Variants in ANK3 observed in about 807,000 individuals in gnomAD.
The protein encoded by ANK3 is ankyrin-3.
ANK3 carries 57 observed loss-of-function variants against 370.9 expected under a neutral mutation model. That is an observed-to-expected ratio of 0.15 (90% CI 0.12 to 0.19). The LOEUF (loss-of-function observed/expected upper bound fraction) is 0.19. Among genes scored for constraint, ANK3 ranks in the 10% least tolerant of loss-of-function variants. The pLI, the probability that ANK3 is intolerant of heterozygous loss-of-function variation, is 1.00. For missense variants in ANK3, 4,439 were observed against 5,302.1 expected (o/e 0.84, Z 5.06); for synonymous variants, 1,929 against 1,946.3 (o/e 0.99, Z 0.23).
chr10:60,606,594 G>C (rs191945563), intron 2 of ANK3, among the ~76,000 whole-genome samples: 1 of 152,270 alleles, frequency 6.6e-6, no homozygotes, highest in East Asian at 1.9e-4. Flanking sequence ...CTCATCAACT[G>C]TAAGCCTTTG....
exon 1 of ANK3, chr10:60,733,383 C>T: frequency 8.2e-7 from 1 of 1,216,946 alleles, no homozygotes; most frequent in Non-Finnish European, 1.0e-6. Context: ...TCCCGCTCCT[C>T]GGGCCTCCAA....
chr10:60,195,386 TC>T (rs1301064825), intron 16 of ANK3, among the ~76,000 whole-genome samples: 2 of 101,848 alleles, frequency 2.0e-5, no homozygotes, highest in Non-Finnish European at 1.9e-5. Flanking sequence ...TCCGTCTCCC[TC>T]CAAAAAAAAA....
chr10:60,264,122 G>T, intron 5 of ANK3, 102 bp from the exon 6 acceptor site: 1 of 1,003,800 alleles, frequency 1.0e-6, no homozygotes. Context: ...ATCAATTTTT[G>T]TTTGGGATTA....
intron 1 of ANK3, among the ~76,000 whole-genome samples, chr10:60,295,182 G>A (rs2042240724): frequency 1.3e-5 from 2 of 152,262 alleles, no homozygotes; most frequent in Admixed American, 6.5e-5. Flanking sequence ...CTTTCTATTG[G>A]CAAGTCAATG....
chr10:60,381,388 G>GA (rs960673580), intron 1 of ANK3, among the ~76,000 whole-genome samples: 3 of 152,090 alleles, frequency 2.0e-5, no homozygotes, highest in Non-Finnish European at 4.4e-5. Flanking sequence ...TTAATGAATA[G>GA]AAAAATGTAT....
intron 2 of ANK3, among the ~76,000 whole-genome samples, chr10:60,600,595 C>G (rs1367118076): frequency 6.6e-6 from 1 of 152,018 alleles, no homozygotes; most frequent in Non-Finnish European, 1.5e-5. Flanking sequence ...AAATATGAAC[C>G]TTCTCATAGC....
rs760210964 is a variant in ANK3, at chr10:60,525,545, G to A, written c.96+89641C>T. On this transcript the variant is annotated intron_variant, in intron 2 of 43. Coordinates refer to the ANK3 transcript ENST00000373827. ...TACTTGCTGAGAGCCTACTATATGC[G>A]CTAAACTGCAGTGGTTACCAAGGAA... Among the ~76,000 whole-genome samples, 4 of 152,084 alleles carry A rather than the reference G, an allele frequency of 2.6e-5. No homozygotes were observed. The East Asian group carries it at 5.8e-4, about 22-fold the overall frequency.
chr10:60,123,511 G>A (rs1009353903), intron 25 of ANK3, among the ~76,000 whole-genome samples: 95 of 152,128 alleles, frequency 6.2e-4, no homozygotes, highest in Non-Finnish European at 2.4e-4. Context: ...GCAAGAGAGA[G>A]AGAAAAAAAG....
intron 7 of ANK3, among the ~76,000 whole-genome samples, chr10:60,253,666 A>T (rs10821708): frequency 0.23 from 34,591 of 152,058 alleles, 3,987 homozygotes; most frequent in Admixed American, 0.27. Flanking sequence ...GGCAACAAGA[A>T]TATGTTTAAT....
chr10:60,384,679 A>G (rs1432485506), intron 1 of ANK3, among the ~76,000 whole-genome samples: 1 of 152,214 alleles, frequency 6.6e-6, no homozygotes, highest in Admixed American at 6.5e-5. Flanking sequence ...TCAAAGGGTT[A>G]TTAGGAAGAC....
chr10:60,257,357 C>A (rs1245565111), intron 7 of ANK3, among the ~76,000 whole-genome samples: 1 of 152,148 alleles, frequency 6.6e-6, no homozygotes, highest in African/African-American at 2.4e-5. Flanking sequence ...TCCTACACAA[C>A]TAGATCATCA....
intron 2 of ANK3, among the ~76,000 whole-genome samples, chr10:60,508,839 G>A (rs921214660): frequency 1.3e-5 from 2 of 152,146 alleles, no homozygotes; most frequent in Non-Finnish European, 1.5e-5. Context: ...AAGTTAATTA[G>A]ATGCAGAAGT....
chr10:60,160,917 GC>G (rs1010439936), intron 23 of ANK3, among the ~76,000 whole-genome samples: 22 of 152,068 alleles, frequency 1.4e-4, no homozygotes, highest in African/African-American at 5.3e-4. Context: ...TAAACAACAG[GC>G]CCACAGCTAG....
intron 2 of ANK3, among the ~76,000 whole-genome samples, chr10:60,417,850 G>T (rs749387092): frequency 1.8e-4 from 28 of 152,162 alleles, no homozygotes; most frequent in Admixed American, 4.6e-4. Flanking sequence ...AGGCATTCAT[G>T]TAGACACACT....
intron 23 of ANK3, among the ~76,000 whole-genome samples, chr10:60,146,966 A>T (rs1258684739): frequency 6.6e-6 from 1 of 152,240 alleles, no homozygotes; most frequent in Non-Finnish European, 1.5e-5. Context: ...TTGGATTCTA[A>T]AAGTCTAATT....
intron 2 of ANK3, among the ~76,000 whole-genome samples, chr10:60,523,293 G>C (rs1304690867): frequency 6.6e-6 from 1 of 151,680 alleles, no homozygotes; most frequent in African/African-American, 2.4e-5. Context: ...ACAATGTGCA[G>C]GTTAGTTACA....
At chr10:60,395,178 TTC>T (rs1240629404) in intron 2 of ANK3, among the ~76,000 whole-genome samples, 1 of 152,204 alleles carries the variant, frequency 6.6e-6, no homozygotes, top group Non-Finnish European at 1.5e-5. Context: ...GATCAAATAT[TTC>T]TGACAAAAAT....
chr10:60,483,321 C>T (rs1305683777), intron 2 of ANK3, among the ~76,000 whole-genome samples: 1 of 152,194 alleles, frequency 6.6e-6, no homozygotes, highest in Admixed American at 6.5e-5. Flanking sequence ...TATTTAAAAA[C>T]TTTAATTCCA....
At chr10:60,226,683 C>T (rs1407380872) in intron 8 of ANK3, among the ~76,000 whole-genome samples, 1 of 135,874 alleles carries the variant, frequency 7.4e-6, no homozygotes, top group African/African-American at 2.7e-5. Context: ...TATAGTATAA[C>T]ATAATATACT....
Sources: allele counts gnomAD v4.1 joint callset (sites outside exome capture counted in the v4.1 genomes callset), GRCh38; gene constraint gnomAD v4.1.1; transcripts MANE v1.5; gene names NCBI Gene and HGNC (gene_info 2026-07-23, HGNC 2026-07-21).